Variants in RIMS2 observed in about 807,000 individuals in gnomAD.
The protein encoded by RIMS2 is regulating synaptic membrane exocytosis protein 2.
A neutral mutation model predicts 174.4 loss-of-function variants in RIMS2; 59 were observed. That is an observed-to-expected ratio of 0.34 (90% CI 0.27 to 0.42). RIMS2 has a LOEUF of 0.42. Among genes scored for constraint, RIMS2 ranks in the 10% least tolerant of loss-of-function variants. RIMS2 has a pLI of 1.00. For missense variants in RIMS2, 1,620 were observed against 1,666.3 expected, an observed-to-expected ratio of 0.97 and a Z score of 0.48; for synonymous variants, 606 against 572.5, an observed-to-expected ratio of 1.06 and a Z score of -0.84.
intron 1 of RIMS2, among the ~76,000 whole-genome samples, chr8:103,632,301 C>A (rs2095947068): frequency 6.6e-6 from 1 of 152,184 alleles, no homozygotes; most frequent in Non-Finnish European, 1.5e-5. Context: ...TGTGCTCCTT[C>A]ATTTCCTAGT....
chr8:103,509,521 A>AGAG (rs1247533506), intron 1 of RIMS2, among the ~76,000 whole-genome samples: 3 of 152,106 alleles, frequency 2.0e-5, no homozygotes, highest in Non-Finnish European at 4.4e-5. Context: ...GAAAATATAG[A>AGAG]GAGGAGATTA....
chr8:103,916,211 C>T (rs186663040), intron 7 of RIMS2, among the ~76,000 whole-genome samples: 182 of 152,054 alleles, frequency 1.2e-3, no homozygotes, highest in Non-Finnish European at 1.4e-3. Flanking sequence ...TTTTTTCCTC[C>T]GATCATTGTC....
chr8:103,563,411 C>G (rs929334167), intron 1 of RIMS2, among the ~76,000 whole-genome samples: 1 of 152,126 alleles, frequency 6.6e-6, no homozygotes, highest in Non-Finnish European at 1.5e-5. Flanking sequence ...TAAAATGCTG[C>G]GTCTCTTTGC....
intron 2 of RIMS2, among the ~76,000 whole-genome samples, chr8:103,756,329 TC>T (rs2098003754): frequency 6.6e-6 from 1 of 151,814 alleles, no homozygotes. Context: ...CCGGAGCCGT[TC>T]CTAGTCGGCC....
At chr8:104,056,467 G>A (rs1472512569) in intron 19 of RIMS2, among the ~76,000 whole-genome samples, 4 of 152,008 alleles carry the variant, frequency 2.6e-5, no homozygotes, top group East Asian at 1.9e-4. Context: ...AAAACTATTC[G>A]TTTTATAGAT....
intron 19 of RIMS2, among the ~76,000 whole-genome samples, chr8:104,145,671 C>CAATCAATAAATA: frequency 7.5e-6 from 1 of 132,696 alleles, no homozygotes; most frequent in African/African-American, 2.9e-5. Context: ...ACTAAAAATA[C>CAATCAATAAATA]AATAAATAAA....
chr8:103,501,338 G>T, intron 1 of RIMS2: 1 of 205,362 alleles, frequency 4.9e-6, no homozygotes, highest in East Asian at 1.0e-4. Context: ...GGATTTCCTC[G>T]CTGGTCATCT....
At chr8:104,002,240 G>A (rs138580262) in intron 17 of RIMS2, among the ~76,000 whole-genome samples, 172 of 151,970 alleles carry the variant, frequency 1.1e-3, no homozygotes, top group African/African-American at 3.4e-3. Context: ...TTCTGTCTCA[G>A]TAGAGAATGC....
intron 3 of RIMS2, among the ~76,000 whole-genome samples, chr8:103,838,146 A>G (rs1038744522): frequency 2.0e-5 from 3 of 151,948 alleles, no homozygotes; most frequent in Non-Finnish European, 4.4e-5. Context: ...GGGTTTCACC[A>G]TGTTGCCCAG....
intron 19 of RIMS2, among the ~76,000 whole-genome samples, chr8:104,147,584 T>G (rs12542774): frequency 0.27 from 40,620 of 152,090 alleles, 5,554 homozygotes; most frequent in Non-Finnish European, 0.3. Flanking sequence ...TATTTCTGTT[T>G]CTTGATTTTT....
intron 3 of RIMS2, chr8:103,819,302 G>C: frequency 2.2e-6 from 3 of 1,391,366 alleles, no homozygotes; most frequent in Non-Finnish European, 2.8e-6. Flanking sequence ...AGCTGCACGG[G>C]TACTGAATCT....
At chr8:104,095,591 C>T (rs1317019899) in intron 19 of RIMS2, among the ~76,000 whole-genome samples, 1 of 151,968 alleles carries the variant, frequency 6.6e-6, no homozygotes. Flanking sequence ...CAAATTAGCA[C>T]GAATGTGCAG....
At chr8:103,791,267 C>G (rs1382293412) in intron 3 of RIMS2, among the ~76,000 whole-genome samples, 1 of 152,148 alleles carries the variant, frequency 6.6e-6, no homozygotes, top group Non-Finnish European at 1.5e-5. Context: ...GGCCAATATT[C>G]AACATTCTTA....
chr8:104,164,033 C>T lies in RIMS2; in HGVS notation c.3335-80883C>T, dbSNP rs530092853. On this transcript the variant is annotated intron_variant, in intron 19 of 23. Transcript: ENST00000504942. ...CCACCTTTCAGCCAAATCCTCCTTT[C>T]CAAAGGAAATATCGTAGCCCAAAGG... Among the ~76,000 whole-genome samples the T allele has an allele frequency of 2.6e-4, 40 of 152,234 alleles. No homozygotes were observed. In the South Asian group the frequency reaches 4.6e-3, roughly 17 times the overall value.
At chr8:103,991,833 C>A (rs2094720148) in intron 17 of RIMS2, among the ~76,000 whole-genome samples, 3 of 152,032 alleles carry the variant, frequency 2.0e-5, no homozygotes, top group Admixed American at 2.0e-4. Context: ...GGAAAATTAA[C>A]CTCTTTGACA....
At position 104,145,949 on chromosome 8, in the gene RIMS2, C is replaced by T. The variant is rs557496894; in HGVS notation, c.3335-98967C>T. On this transcript the variant is annotated intron_variant, in intron 19 of 23. Transcript: ENST00000504942. Reference sequence around the variant, plus strand: ...TATCCAGTGAAGAAAGAAAAGGAACCCTCGCTGCAATCTTTCTCTCATCAA... The same window carrying T: ...TATCCAGTGAAGAAAGAAAAGGAACTCTCGCTGCAATCTTTCTCTCATCAA... Among the ~76,000 whole-genome samples, 28 of 151,738 alleles carry T rather than the reference C, an allele frequency of 1.8e-4. No homozygotes were observed. In the South Asian group the frequency reaches 5.8e-3, roughly 32 times the overall value.
intron 19 of RIMS2, among the ~76,000 whole-genome samples, chr8:104,186,489 C>T (rs1466038544): frequency 1.3e-5 from 2 of 151,510 alleles, no homozygotes; most frequent in Admixed American, 6.6e-5. Flanking sequence ...CTCTTTACTC[C>T]GAGGGGTTTG....
chr8:103,511,508 C>CT (rs1287404752), intron 1 of RIMS2, among the ~76,000 whole-genome samples: 1 of 152,040 alleles, frequency 6.6e-6, no homozygotes, highest in Non-Finnish European at 1.5e-5. Flanking sequence ...TCATATATTA[C>CT]TTTTTTGTAA....
intron 13 of RIMS2, among the ~76,000 whole-genome samples, chr8:103,937,927 C>T (rs901933139): frequency 3.2e-4 from 49 of 152,298 alleles, no homozygotes; most frequent in African/African-American, 1.1e-3. Flanking sequence ...TAGCTCACTG[C>T]TGCCTCAAGC....
Sources: allele counts gnomAD v4.1 joint callset (sites outside exome capture counted in the v4.1 genomes callset), GRCh38; gene constraint gnomAD v4.1.1; transcripts MANE v1.5; gene names NCBI Gene and HGNC (gene_info 2026-07-23, HGNC 2026-07-21).